The following UBE2K variants were observed in gnomAD, a reference collection of about 807,000 sequenced individuals.
The protein encoded by UBE2K is ubiquitin conjugating enzyme E2 K.
A neutral mutation model predicts 30.0 loss-of-function variants in UBE2K; 6 were observed. The observed-to-expected ratio is 0.20, with a 90% CI of 0.11 to 0.39. UBE2K has a LOEUF of 0.39. UBE2K is among the 10% of genes least tolerant of loss of function. UBE2K has a pLI of 1.00. For missense variants in UBE2K, 61 were observed against 241.6 expected (o/e 0.25, Z 4.96); for synonymous variants, 86 against 83.7 (o/e 1.03, Z -0.15).
intron 1 of UBE2K, among the ~76,000 whole-genome samples, chr4:39,712,839 G>A (rs1168925127): frequency 2.0e-5 from 3 of 150,864 alleles, no homozygotes; most frequent in Non-Finnish European, 3.0e-5. Flanking sequence ...TGGCCATTAG[G>A]CTTTTGTAAA....
chr4:39,729,364 A>G (rs758224779), intron 1 of UBE2K, among the ~76,000 whole-genome samples: 1 of 143,856 alleles, frequency 7.0e-6, no homozygotes, highest in South Asian at 2.3e-4. Context: ...TTTCACAGAT[A>G]CCTTGTATCC....
chr4:39,757,000 G>GTTTTTTTTTGTTTTTT, intron 4 of UBE2K, among the ~76,000 whole-genome samples: 1 of 94,376 alleles, frequency 1.1e-5, no homozygotes, highest in South Asian at 5.0e-4. Context: ...TTTTTTGGGT[G>GTTTTTTTTTGTTTTTT]TTTTTTTTTT....
chr4:39,770,202 C>T (rs1366418307), intron 4 of UBE2K: 20 of 1,610,688 alleles, frequency 1.2e-5, no homozygotes, highest in Non-Finnish European at 1.7e-5. Flanking sequence ...GCGCATGTCG[C>T]AGTAGGAGCA....
intron 1 of UBE2K, among the ~76,000 whole-genome samples, chr4:39,732,623 TAATAA>T (rs921603039): frequency 7.9e-5 from 12 of 151,912 alleles, no homozygotes; most frequent in Admixed American, 1.3e-4. Context: ...ATGTATATCT[TAATAA>T]AATAGTTGAT....
chr4:39,753,820 G>A (rs939938031), intron 3 of UBE2K, among the ~76,000 whole-genome samples: 8 of 152,166 alleles, frequency 5.3e-5, no homozygotes, highest in Admixed American at 2.0e-4. Flanking sequence ...TCTAAGGCCA[G>A]GTTAAGAGTG....
Position 39,782,121 on chromosome 4 carries a change from C to T in UBE2K, c.*3687C>T, listed in dbSNP as rs938302133. The T allele has an allele frequency of 1.5e-5, 6 of 394,572 alleles. No individual in the cohort carries two copies. The highest frequency in any genetic ancestry group is 2.2e-5 in the Non-Finnish European group (5 of 223,804). 24.4% of individuals were successfully genotyped at this position (394,572 alleles called of 1,614,324 possible). A position where few individuals can be genotyped will look rare whatever the true frequency, so the allele number is the denominator to read the frequency against. On this transcript the variant is annotated 3_prime_UTR_variant, in exon 7 of 7. Transcript: ENST00000261427. ...CATTGGACTGATACACCCTCATGAA[C>T]TTGCAATCACCTAAATGGAAGTCTT...
At chr4:39,726,343 A>G (rs1403152583) in intron 1 of UBE2K, among the ~76,000 whole-genome samples, 1 of 151,680 alleles carries the variant, frequency 6.6e-6, no homozygotes. Flanking sequence ...CTTGTACTGA[A>G]GTTGAGAAAA....
intron 2 of UBE2K, among the ~76,000 whole-genome samples, chr4:39,744,832 G>A (rs1490936128): frequency 1.3e-5 from 2 of 151,274 alleles, no homozygotes; most frequent in Admixed American, 6.6e-5. Flanking sequence ...GCGTGAACCC[G>A]GGAGGTGGAG....
intron 4 of UBE2K, chr4:39,771,417 G>A: frequency 6.2e-7 from 1 of 1,609,184 alleles, no homozygotes; most frequent in Admixed American, 1.7e-5. Context: ...GGAAGCGCAG[G>A]ACTTCACCCC....
intron 2 of UBE2K, among the ~76,000 whole-genome samples, chr4:39,743,903 C>T (rs951933680): frequency 2.6e-5 from 4 of 152,078 alleles, no homozygotes; most frequent in Non-Finnish European, 4.4e-5. Context: ...TGCTCTGTCA[C>T]GTAGGCTGGA....
Position 39,779,215 on chromosome 4 carries a change from A to G in UBE2K, c.*781A>G, listed in dbSNP as rs948335453. The G allele has an allele frequency of 2.6e-5, 4 of 152,212 alleles. No individual in the cohort carries two copies. Among genetic ancestry groups the G allele is most frequent in the African/African-American group, 9.6e-5 (4 of 41,452 alleles). 9.4% of individuals were successfully genotyped at this position (152,212 alleles called of 1,614,324 possible). A position where few individuals can be genotyped will look rare whatever the true frequency, so the allele number is the denominator to read the frequency against. On this transcript the variant is annotated 3_prime_UTR_variant, in exon 7 of 7. Coordinates refer to ENST00000261427, the MANE Select transcript of UBE2K (RefSeq NM_005339.5). The stretch of plus-strand genomic sequence containing the variant: ...AACACTCTTAAATTTTTCTTAAGTA[A>G]TGTAAAAATGGAACTGCCAATTTTA...
At chr4:39,761,605 A>T (rs1342516493) in intron 4 of UBE2K, among the ~76,000 whole-genome samples, 1 of 152,186 alleles carries the variant, frequency 6.6e-6, no homozygotes, top group African/African-American at 2.4e-5. Context: ...AATTATAAAG[A>T]TTGACACATT....
intron 5 of UBE2K, 77 bp downstream of exon 5, chr4:39,775,010 A>T: frequency 1.3e-6 from 1 of 793,892 alleles, no homozygotes; most frequent in Non-Finnish European, 1.9e-6. Flanking sequence ...GCACATTAAC[A>T]CATGAGCATA....
chr4:39,768,062 T>C (rs1012356275), intron 4 of UBE2K, among the ~76,000 whole-genome samples: 6 of 152,166 alleles, frequency 3.9e-5, no homozygotes, highest in African/African-American at 7.2e-5. Flanking sequence ...GCTTTTGATA[T>C]GTATGTGCCT....
At chr4:39,768,942 C>G (rs186004032) in intron 4 of UBE2K, among the ~76,000 whole-genome samples, 10 of 152,258 alleles carry the variant, frequency 6.6e-5, no homozygotes, top group African/African-American at 2.4e-4. Context: ...ACTGCAACCT[C>G]AGCCTTCCAA....
At chr4:39,717,703 A>G (rs1350780684) in intron 1 of UBE2K, among the ~76,000 whole-genome samples, 3 of 152,208 alleles carry the variant, frequency 2.0e-5, no homozygotes, top group African/African-American at 4.8e-5. Flanking sequence ...CACTGACTTC[A>G]AGAATGAAGC....
chr4:39,778,534 TTCTTGCCTAATGATGTTA>T lies in UBE2K; in HGVS notation c.*104_*121del, dbSNP rs1308535676. The T allele has an allele frequency of 1.4e-6, 1 of 735,758 alleles. No homozygotes were observed. Among genetic ancestry groups the T allele is most frequent in the Non-Finnish European group, 2.2e-6 (1 of 450,610 alleles). 45.6% of individuals were successfully genotyped at this position (735,758 alleles called of 1,614,324 possible). Reference sequence around the variant, plus strand: ...TGCATAGATTTCTTTTAAACTGGCATTCTTGCCTAATGATGTTATCTAGGCACCATTGGAGACTGAAAA... The same window carrying T: ...TGCATAGATTTCTTTTAAACTGGCATTCTAGGCACCATTGGAGACTGAAAA... On this transcript the variant is annotated 3_prime_UTR_variant, in exon 7 of 7. Transcript: ENST00000261427.
chr4:39,716,359 C>T (rs1719060532), intron 1 of UBE2K, among the ~76,000 whole-genome samples: 1 of 152,164 alleles, frequency 6.6e-6, no homozygotes, highest in Non-Finnish European at 1.5e-5. Flanking sequence ...GTGATCCTCC[C>T]ACCACAGCCT....
At chr4:39,715,542 T>G (rs1469949196) in intron 1 of UBE2K, among the ~76,000 whole-genome samples, 1 of 150,892 alleles carries the variant, frequency 6.6e-6, no homozygotes, top group African/African-American at 2.4e-5. Flanking sequence ...ACTCCTGATC[T>G]CAAGTGATCC....
Sources: gnomAD v4.1 joint callset for allele counts (sites outside exome capture counted in the v4.1 genomes callset) on GRCh38, gnomAD v4.1.1 for gene constraint, MANE v1.5 for transcripts, NCBI Gene and HGNC (gene_info 2026-07-23, HGNC 2026-07-21) for gene names.